Variants in JMJD1C observed in about 807,000 individuals in gnomAD.
JMJD1C encodes jumonji domain-containing protein 1C.
JMJD1C carries 31 observed loss-of-function variants against 245.3 expected under a neutral mutation model. The ratio of observed to expected loss-of-function variants is 0.13; its 90% CI spans 0.09 to 0.17. JMJD1C has a LOEUF of 0.17. Ranked by LOEUF, JMJD1C falls within the 10% of genes least tolerant of loss-of-function variation. JMJD1C has a pLI of 1.00. For missense variants in JMJD1C, 2,691 were observed against 3,000.2 expected (o/e 0.90, Z 2.41); for synonymous variants, 1,057 against 1,017.4 (o/e 1.04, Z -0.74).
intron 2 of JMJD1C, among the ~76,000 whole-genome samples, chr10:63,338,669 A>G (rs905608698): frequency 5.4e-5 from 5 of 91,782 alleles, no homozygotes; most frequent in Non-Finnish European, 7.5e-5. Flanking sequence ...TTTTTTTGAG[A>G]TAGAGTTTCG....
chr10:63,285,851 T>C (rs1857928391), intron 2 of JMJD1C, among the ~76,000 whole-genome samples: 1 of 152,172 alleles, frequency 6.6e-6, no homozygotes, highest in South Asian at 2.1e-4. Flanking sequence ...ACCTTTCTTT[T>C]CTAAAAAGCC....
At chr10:63,434,554 G>C (rs1416352154) in intron 1 of JMJD1C, among the ~76,000 whole-genome samples, 2 of 152,000 alleles carry the variant, frequency 1.3e-5, no homozygotes, top group Admixed American at 6.6e-5. Flanking sequence ...GATTTCCAGA[G>C]GAGGTTCTCT....
chr10:63,278,562 A>C (rs113253794), intron 2 of JMJD1C, among the ~76,000 whole-genome samples: 20,768 of 147,872 alleles, frequency 0.14, 3,248 homozygotes, highest in African/African-American at 0.42. Context: ...AACAAACAAA[A>C]AAAAGAGTAC....
intron 8 of JMJD1C, among the ~76,000 whole-genome samples, chr10:63,210,342 T>G (rs1408457650): frequency 6.6e-6 from 1 of 152,190 alleles, no homozygotes; most frequent in African/African-American, 2.4e-5. Flanking sequence ...GGGTAAGATA[T>G]TTTTATTTTT....
chr10:63,198,517 C>T lies in JMJD1C; in HGVS notation c.5487G>A (p.Lys1829=), dbSNP rs1845692408. The change falls in exon 12 of 26, where the codon AAG becomes AAA. Residue 1829 remains lysine, a synonymous_variant. Coordinates refer to ENST00000399262, the MANE Select transcript of JMJD1C (RefSeq NM_032776.3). The stretch of plus-strand genomic sequence containing the variant: ...TGTTATATTTAACTTCCTTACCATC[C>T]TTTTTCACCCAGGACAAAGCTGTTT... ...SEKTALSWVK[K]DAKIAWKRAV... is the part of the protein sequence containing the mutation. 1.3e-6 allele frequency: 2 copies of T among 1,567,476 alleles called. No homozygotes were observed. Among genetic ancestry groups the T allele is most frequent in the African/African-American group, 1.4e-5 (1 of 73,434 alleles).
chr10:63,303,925 T>C (rs1860382387), intron 2 of JMJD1C, among the ~76,000 whole-genome samples: 3 of 152,206 alleles, frequency 2.0e-5, no homozygotes, highest in Admixed American at 2.0e-4. Flanking sequence ...AGAGTTTTTC[T>C]GATAACAATA....
intron 2 of JMJD1C, among the ~76,000 whole-genome samples, chr10:63,335,800 G>A (rs922863183): frequency 2.0e-5 from 3 of 151,818 alleles, no homozygotes; most frequent in African/African-American, 2.4e-5. Flanking sequence ...CATGAACCAC[G>A]GCGCCTGGCA....
intron 22 of JMJD1C, among the ~76,000 whole-genome samples, chr10:63,179,292 C>T (rs538083111): frequency 2.6e-5 from 4 of 151,966 alleles, no homozygotes; most frequent in Non-Finnish European, 4.4e-5. Context: ...GCCTGTAATC[C>T]CAGCTACTAG....
chr10:63,518,507 C>G (rs1955097297), intron 1 of JMJD1C, among the ~76,000 whole-genome samples: 1 of 152,184 alleles, frequency 6.6e-6, no homozygotes, highest in Admixed American at 6.5e-5. Context: ...GAATGCAGAG[C>G]TGTTTGTGAT....
At chr10:63,349,058 G>C (rs573033672) in intron 2 of JMJD1C, among the ~76,000 whole-genome samples, 2 of 119,062 alleles carry the variant, frequency 1.7e-5, no homozygotes, top group African/African-American at 6.4e-5. Flanking sequence ...CTGAGATCAC[G>C]CCATTGCACT....
intron 2 of JMJD1C, among the ~76,000 whole-genome samples, chr10:63,377,118 G>T (rs1564850995): frequency 6.6e-6 from 1 of 152,262 alleles, no homozygotes; most frequent in Non-Finnish European, 1.5e-5. Context: ...GTGACACATG[G>T]TTTAACATGC....
At chr10:63,355,014 T>A (rs1944713517) in intron 2 of JMJD1C, among the ~76,000 whole-genome samples, 2 of 151,954 alleles carry the variant, frequency 1.3e-5, no homozygotes, top group African/African-American at 4.8e-5. Flanking sequence ...CACAGTGACA[T>A]CCTGTGTCAG....
intron 10 of JMJD1C, chr10:63,203,120 G>C (rs1846208090): frequency 3.4e-5 from 33 of 984,850 alleles, no homozygotes; most frequent in Non-Finnish European, 3.9e-5. Flanking sequence ...AAGACATTAA[G>C]GCCCAATTCA....
Position 63,215,047 on chromosome 10 carries a change from C to A in JMJD1C, c.1120G>T (p.Asp374Tyr). 2 of 1,608,128 alleles carry A rather than the reference C, an allele frequency of 1.2e-6. No individual in the cohort carries two copies. The highest frequency in any genetic ancestry group is 1.1e-5 in the South Asian group (1 of 89,036). The change falls in exon 8 of 26, where the codon GAC becomes TAC. Residue 374 changes from aspartate (D) to tyrosine (Y), a missense_variant. Coordinates refer to ENST00000399262, the MANE Select transcript of JMJD1C (RefSeq NM_032776.3). ...MKRLRTDNVS[D>Y]FSESSDSENS... The stretch of plus-strand genomic sequence containing the variant: ...TCTGAGTCACTGCTCTCAGAAAAGT[C>A]TGAAACATTGTCAGTTCGAAGTCTT...
chr10:63,354,338 T>C (rs1023720972), intron 2 of JMJD1C, among the ~76,000 whole-genome samples: 7 of 152,252 alleles, frequency 4.6e-5, no homozygotes, highest in African/African-American at 1.7e-4. Context: ...TAACCTAAAA[T>C]TATTCATTTT....
At position 63,215,424 on chromosome 10, in the gene JMJD1C, G is replaced by C; in HGVS notation, c.854C>G (p.Pro285Arg). ...AGCTTGGGAGTTCATTGCTGGTCTG[G>C]GACTATTTGCTTGGGCACGTGTATA... ...SHYTRAQANS[P>R]RPAMNSQAAV... is the part of the protein sequence containing the mutation. Residue 285 changes from proline to arginine, a missense_variant, in exon 7 of 26, where the codon CCC becomes CGC. Pro to Arg is a moderately radical substitution (Grantham distance 103). Around this residue, in one of 9 missense-constraint regions of JMJD1C, gnomAD observed 1,562 missense variants for 1,490.7 expected, o/e 1.05. Transcript: ENST00000399262. 6.2e-7 allele frequency: 1 copy of C among 1,613,948 alleles called. No individual in the cohort carries two copies. Among genetic ancestry groups the C allele is most frequent in the Non-Finnish European group, 8.5e-7 (1 of 1,179,974 alleles).
chr10:63,231,851 C>T (rs542742590), intron 3 of JMJD1C, among the ~76,000 whole-genome samples: 3 of 151,756 alleles, frequency 2.0e-5, no homozygotes, highest in Admixed American at 1.3e-4. Context: ...CTCTTTTTTT[C>T]CTCTAGACAG....
At chr10:63,440,425 AG>A (rs1951318443) in intron 1 of JMJD1C, among the ~76,000 whole-genome samples, 1 of 151,816 alleles carries the variant, frequency 6.6e-6, no homozygotes, top group African/African-American at 2.4e-5. Context: ...GAGTCGATTA[AG>A]GAAGTATTAC....
At chr10:63,295,265 T>G (rs1300235884) in intron 2 of JMJD1C, among the ~76,000 whole-genome samples, 1 of 151,296 alleles carries the variant, frequency 6.6e-6, no homozygotes, top group Non-Finnish European at 1.5e-5. Context: ...CAACTAATTT[T>G]TTTTTTTTTT....
Sources: allele counts gnomAD v4.1 joint callset (sites outside exome capture counted in the v4.1 genomes callset), GRCh38; gene constraint gnomAD v4.1.1; regional missense constraint gnomAD v4.1.1; transcripts MANE v1.5; gene names NCBI Gene and HGNC (gene_info 2026-07-23, HGNC 2026-07-21).